CDH12: variants seen among roughly 807,000 people sequenced by gnomAD.
CDH12 encodes cadherin-12.
CDH12 carries 41 observed loss-of-function variants against 74.1 expected under a neutral mutation model. That is an observed-to-expected ratio of 0.55 (90% confidence interval 0.43 to 0.72). CDH12 has a LOEUF of 0.72. Among genes scored for constraint, CDH12 ranks in the 30% least tolerant of loss-of-function variants. The pLI is 0.00. For missense variants in CDH12, 945 were observed against 977.2 expected, an observed-to-expected ratio of 0.97 and a Z score of 0.44; for synonymous variants, 399 against 355.0, an observed-to-expected ratio of 1.12 and a Z score of -1.39.
chr5:21,870,221 T>A (rs987844159), intron 6 of CDH12, among the ~76,000 whole-genome samples: 9 of 152,164 alleles, frequency 5.9e-5, no homozygotes. Flanking sequence ...GTCTTGGGTA[T>A]GTCTTTATCA....
intron 1 of CDH12, among the ~76,000 whole-genome samples, chr5:22,784,773 T>A (rs1444282709): frequency 6.6e-6 from 1 of 152,206 alleles, no homozygotes; most frequent in African/African-American, 2.4e-5. Flanking sequence ...TATTCCTAAT[T>A]AAATTTCTGA....
intron 1 of CDH12, among the ~76,000 whole-genome samples, chr5:22,562,279 T>G (rs939825109): frequency 1.7e-4 from 26 of 152,056 alleles, no homozygotes; most frequent in African/African-American, 5.5e-4. Context: ...ATCCCGCCAC[T>G]GCACTCCAGC....
At chr5:22,384,950 A>C (rs1323832700) in intron 3 of CDH12, among the ~76,000 whole-genome samples, 2 of 152,206 alleles carry the variant, frequency 1.3e-5, no homozygotes, top group African/African-American at 4.8e-5. Context: ...TTGTTTCTAC[A>C]AATTGTTTAT....
At chr5:22,697,113 C>T (rs530745856) in intron 1 of CDH12, among the ~76,000 whole-genome samples, 1 of 152,262 alleles carries the variant, frequency 6.6e-6, no homozygotes, top group South Asian at 2.1e-4. Flanking sequence ...TAAAAACTGT[C>T]ATTTGATGAC....
intron 1 of CDH12, among the ~76,000 whole-genome samples, chr5:22,845,079 T>C (rs1737242558): frequency 6.6e-6 from 1 of 152,154 alleles, no homozygotes; most frequent in African/African-American, 2.4e-5. Context: ...TTGAGCACAT[T>C]ATACATAGTG....
At chr5:22,016,340 C>T (rs1409172100) in intron 5 of CDH12, among the ~76,000 whole-genome samples, 1 of 151,860 alleles carries the variant, frequency 6.6e-6, no homozygotes, top group Admixed American at 6.6e-5. Flanking sequence ...CTGGTGAAAG[C>T]CATATACTTT....
chr5:22,820,254 T>C (rs961918441), intron 1 of CDH12, among the ~76,000 whole-genome samples: 16 of 151,926 alleles, frequency 1.1e-4, no homozygotes, highest in Middle Eastern at 3.4e-3. Flanking sequence ...AAAAGTAGTG[T>C]CTTAATTTTT....
chr5:22,108,900 T>C (rs1744659190), intron 4 of CDH12, among the ~76,000 whole-genome samples: 1 of 152,232 alleles, frequency 6.6e-6, no homozygotes, highest in African/African-American at 2.4e-5. Context: ...CTGTATGTAT[T>C]GCATTACTTT....
At chr5:22,316,611 A>T (rs1347826705) in intron 3 of CDH12, among the ~76,000 whole-genome samples, 1 of 152,116 alleles carries the variant, frequency 6.6e-6, no homozygotes, top group Non-Finnish European at 1.5e-5. Context: ...CTAATCTGTA[A>T]ATATACCTCA....
At chr5:22,045,613 A>AAT (rs1561053556) in intron 5 of CDH12, among the ~76,000 whole-genome samples, 2 of 151,890 alleles carry the variant, frequency 1.3e-5, no homozygotes, top group African/African-American at 4.8e-5. Flanking sequence ...AAAAAAAAAA[A>AAT]AAAACAATAA....
intron 4 of CDH12, among the ~76,000 whole-genome samples, chr5:22,132,489 C>T (rs1401097983): frequency 1.3e-5 from 2 of 151,656 alleles, no homozygotes; most frequent in Non-Finnish European, 2.9e-5. Flanking sequence ...TGTTTTATTT[C>T]CCCCGAGAAC....
Position 22,745,543 on chromosome 5 carries a change from T to C in CDH12, c.-523+107515A>G, listed in dbSNP as rs543102897. On this transcript the variant is annotated intron_variant, in intron 1 of 14. Coordinates refer to ENST00000382254, the MANE Select transcript of CDH12 (RefSeq NM_004061.5). ...AAAAGCCCATCAATAATAGACTGGA[T>C]AAAGAAAATGTGGCACATATACACT... Among the ~76,000 whole-genome samples the C allele has an allele frequency of 2.7e-3, 412 of 152,066 alleles. 4 individuals are homozygous for C. The highest frequency in any genetic ancestry group is 9.6e-3 in the African/African-American group (399 of 41,530).
chr5:22,279,620 T>C (rs1442834989), intron 3 of CDH12, among the ~76,000 whole-genome samples: 1 of 151,904 alleles, frequency 6.6e-6, no homozygotes, highest in African/African-American at 2.4e-5. Flanking sequence ...AGTGAGAACA[T>C]GCGCTGTTTG....
intron 1 of CDH12, among the ~76,000 whole-genome samples, chr5:22,651,089 A>G (rs1361598718): frequency 6.6e-6 from 1 of 151,212 alleles, no homozygotes; most frequent in African/African-American, 2.4e-5. Flanking sequence ...GAATTAGTCC[A>G]TTTATATCAT....
chr5:22,601,169 T>C (rs1011005587), intron 1 of CDH12, among the ~76,000 whole-genome samples: 3 of 152,088 alleles, frequency 2.0e-5, no homozygotes, highest in Admixed American at 2.0e-4. Context: ...TTTTTAACCA[T>C]ATGATCCTAT....
intron 5 of CDH12, among the ~76,000 whole-genome samples, chr5:22,037,440 A>C (rs1739268352): frequency 6.6e-6 from 1 of 152,198 alleles, no homozygotes; most frequent in African/African-American, 2.4e-5. Context: ...AAGCCAAAGT[A>C]TTCAGGCAAC....
chr5:22,229,799 T>C (rs1047377016), intron 3 of CDH12, among the ~76,000 whole-genome samples: 1 of 152,132 alleles, frequency 6.6e-6, no homozygotes, highest in African/African-American at 2.4e-5. Context: ...CTGTATTTAA[T>C]GTGCTTTGAG....
At chr5:22,778,824 G>C (rs1747240366) in intron 1 of CDH12, among the ~76,000 whole-genome samples, 1 of 151,814 alleles carries the variant, frequency 6.6e-6, no homozygotes, top group African/African-American at 2.4e-5. Flanking sequence ...GTCCTTAAGA[G>C]TACATTCCTA....
At chr5:21,825,974 C>G (rs1748649435) in intron 8 of CDH12, among the ~76,000 whole-genome samples, 1 of 152,086 alleles carries the variant, frequency 6.6e-6, no homozygotes, top group African/African-American at 2.4e-5. Context: ...AGGGACCATC[C>G]AAAGAGATTC....
Sources: gnomAD v4.1 joint callset for allele counts (sites outside exome capture counted in the v4.1 genomes callset) on GRCh38, gnomAD v4.1.1 for gene constraint, MANE v1.5 for transcripts, NCBI Gene and HGNC (gene_info 2026-07-23, HGNC 2026-07-21) for gene names.